The following NRG3 variants were observed in gnomAD, a reference collection of about 807,000 sequenced individuals.
The protein encoded by NRG3 is pro-neuregulin-3, membrane-bound isoform.
NRG3 carries 31 observed loss-of-function variants against 66.9 expected under a neutral mutation model. The ratio of observed to expected loss-of-function variants is 0.46; its 90% CI spans 0.35 to 0.63. The LOEUF is 0.63. Among genes scored for constraint, NRG3 ranks in the 20% least tolerant of loss-of-function variants. The probability of loss-of-function intolerance (pLI) is 0.00; values close to 1 mark genes in which losing one functional copy is unlikely to be tolerated. For missense variants in NRG3, 910 were observed against 878.9 expected (o/e 1.04, Z -0.45); for synonymous variants, 393 against 359.4 (o/e 1.09, Z -1.06).
intron 2 of NRG3, among the ~76,000 whole-genome samples, chr10:82,688,238 C>T (rs561206931): frequency 9.2e-5 from 14 of 152,292 alleles, no homozygotes; most frequent in South Asian, 8.3e-4. Context: ...TTTACCACAA[C>T]GTATTATATT....
intron 1 of NRG3, among the ~76,000 whole-genome samples, chr10:81,917,940 G>A (rs756700429): frequency 3.3e-5 from 5 of 152,176 alleles, no homozygotes; most frequent in Admixed American, 1.3e-4. Flanking sequence ...CAAAAGTGGC[G>A]GACTGATGAG....
intron 1 of NRG3, among the ~76,000 whole-genome samples, chr10:82,112,114 C>T (rs989232566): frequency 1.3e-5 from 2 of 152,076 alleles, no homozygotes; most frequent in African/African-American, 4.8e-5. Context: ...CATGGTGGCA[C>T]ATGCCTGGGG....
chr10:82,720,179 C>A (rs915839591), intron 2 of NRG3, among the ~76,000 whole-genome samples: 25 of 152,156 alleles, frequency 1.6e-4, no homozygotes, highest in African/African-American at 5.3e-4. Flanking sequence ...CACCTGAGGT[C>A]AGGGGTTCAA....
intron 7 of NRG3, among the ~76,000 whole-genome samples, chr10:82,976,056 T>C (rs1441487825): frequency 3.3e-5 from 5 of 152,132 alleles, no homozygotes; most frequent in Admixed American, 3.3e-4. Context: ...TATCTTTTTT[T>C]ATTATTTTAT....
chr10:82,918,995 A>G (rs926276058), intron 4 of NRG3, among the ~76,000 whole-genome samples: 17 of 151,768 alleles, frequency 1.1e-4, no homozygotes, highest in Non-Finnish European at 2.4e-4. Flanking sequence ...GGCAGGCCCA[A>G]TGCCTTTAAA....
chr10:82,757,623 G>A (rs1482241060), intron 3 of NRG3, among the ~76,000 whole-genome samples: 1 of 152,054 alleles, frequency 6.6e-6, no homozygotes, highest in East Asian at 1.9e-4. Context: ...GGATGAAGAG[G>A]AATGTGATCA....
At chr10:82,032,580 G>T (rs10884063) in intron 1 of NRG3, among the ~76,000 whole-genome samples, 20,835 of 151,958 alleles carry the variant, frequency 0.14, 1,798 homozygotes, top group East Asian at 0.27. Context: ...TCAGAATAAT[G>T]ATAAGTTAAG....
chr10:82,029,336 A>G (rs2062460389), intron 1 of NRG3, among the ~76,000 whole-genome samples: 1 of 152,160 alleles, frequency 6.6e-6, no homozygotes. Flanking sequence ...AGACATAAAT[A>G]TGCCAGTTTC....
intron 1 of NRG3, among the ~76,000 whole-genome samples, chr10:82,044,507 C>G (rs933195198): frequency 1.3e-5 from 2 of 151,998 alleles, no homozygotes; most frequent in Non-Finnish European, 2.9e-5. Context: ...ACCACATAGA[C>G]AGCGACCCCA....
chr10:82,190,946 T>C (rs1435163833), intron 1 of NRG3, among the ~76,000 whole-genome samples: 1 of 152,190 alleles, frequency 6.6e-6, no homozygotes, highest in Non-Finnish European at 1.5e-5. Flanking sequence ...ATGTCTTTTC[T>C]GTTGTATGCT....
intron 1 of NRG3, among the ~76,000 whole-genome samples, chr10:82,009,208 AG>A (rs1447349655): frequency 1.3e-5 from 2 of 152,224 alleles, no homozygotes; most frequent in African/African-American, 4.8e-5. Context: ...AAAGTACTAT[AG>A]AAATTTCTGA....
chr10:82,552,074 C>G (rs2044346569), intron 2 of NRG3, among the ~76,000 whole-genome samples: 1 of 152,036 alleles, frequency 6.6e-6, no homozygotes, highest in Non-Finnish European at 1.5e-5. Flanking sequence ...TTTAGCAGGA[C>G]TGTAGGTGGA....
chr10:82,328,471 A>G (rs1272502846), intron 1 of NRG3, among the ~76,000 whole-genome samples: 3 of 152,224 alleles, frequency 2.0e-5, no homozygotes, highest in East Asian at 1.9e-4. Context: ...GATAATTAGC[A>G]TAGCCATCAT....
intron 3 of NRG3, among the ~76,000 whole-genome samples, chr10:82,817,682 T>C (rs1465384091): frequency 1.3e-5 from 2 of 152,194 alleles, no homozygotes; most frequent in East Asian, 3.9e-4. Context: ...GTAAGGAAGT[T>C]TGCCAGGATA....
intron 2 of NRG3, among the ~76,000 whole-genome samples, chr10:82,432,173 G>A (rs563186507): frequency 1.3e-5 from 2 of 152,148 alleles, no homozygotes; most frequent in South Asian, 4.2e-4. Flanking sequence ...TTATGCATAT[G>A]TGCAGATATT....
chr10:82,769,187 C>A (rs1438546883), intron 3 of NRG3, among the ~76,000 whole-genome samples: 1 of 152,018 alleles, frequency 6.6e-6, no homozygotes, highest in East Asian at 1.9e-4. Flanking sequence ...CATTAGAAGT[C>A]ATTTTAACTT....
At chr10:82,335,720 C>T (rs1323262011) in intron 1 of NRG3, among the ~76,000 whole-genome samples, 3 of 152,106 alleles carry the variant, frequency 2.0e-5, no homozygotes, top group Admixed American at 6.6e-5. Context: ...GTAAAAATAT[C>T]AGAATTAGGA....
intron 4 of NRG3, among the ~76,000 whole-genome samples, chr10:82,914,106 C>T (rs937460349): frequency 6.7e-6 from 1 of 150,166 alleles, no homozygotes; most frequent in African/African-American, 2.5e-5. Flanking sequence ...GCATTTTTTA[C>T]TTCCATTTCA....
intron 1 of NRG3, among the ~76,000 whole-genome samples, chr10:81,899,503 G>A (rs993664731): frequency 1.4e-4 from 21 of 152,214 alleles, no homozygotes; most frequent in African/African-American, 4.6e-4. Flanking sequence ...CTGGCTTGGG[G>A]TTGGGCATTG....
Sources: gnomAD v4.1 joint callset for allele counts (sites outside exome capture counted in the v4.1 genomes callset) on GRCh38, gnomAD v4.1.1 for gene constraint, MANE v1.5 for transcripts, NCBI Gene and HGNC (gene_info 2026-07-23, HGNC 2026-07-21) for gene names.